PCDHA4: variants seen among roughly 807,000 people sequenced by gnomAD.
PCDHA4 encodes protocadherin alpha 4.
A neutral mutation model predicts 61.4 loss-of-function variants in PCDHA4; 49 were observed. The ratio of observed to expected loss-of-function variants is 0.80; its 90% CI spans 0.63 to 1.01. PCDHA4 has a LOEUF of 1.01. Among genes scored for constraint, PCDHA4 ranks in the 50% least tolerant of loss-of-function variants. PCDHA4 has a pLI of 0.00. For missense variants in PCDHA4, 1,254 were observed against 1,235.8 expected (o/e 1.01, Z -0.22); for synonymous variants, 590 against 550.3 (o/e 1.07, Z -1.01).
chr5:140,853,583 T>C lies in PCDHA4; in HGVS notation c.2385+44011T>C, dbSNP rs1298599428. Reference sequence around the variant, plus strand: ...AAAACTAAGTTGTCACCCAATATCTTAGACACTTTGAGAGCAAAGGGGGTG... The same window carrying C: ...AAAACTAAGTTGTCACCCAATATCTCAGACACTTTGAGAGCAAAGGGGGTG... On this transcript the variant is annotated intron_variant, in intron 1 of 3. Transcript: ENST00000530339. 16 of 985,202 alleles carry C rather than the reference T, an allele frequency of 1.6e-5. 2 individuals carry two copies. The highest frequency in any genetic ancestry group is 1.8e-5 in the Non-Finnish European group (15 of 817,512). The allele number at this position is 985,202 out of a possible 1,614,324, so 61.0% of individuals were successfully genotyped here. A position where few individuals can be genotyped will look rare whatever the true frequency, so the allele number is the denominator to read the frequency against.
rs187680387 is a variant in PCDHA4 at position 140,827,841 on chromosome 5, T to C, written c.2385+18269T>C. 68 of 458,788 alleles carry C rather than the reference T, an allele frequency of 1.5e-4. No homozygotes were observed. The East Asian group carries it at 2.3e-3, about 16-fold the overall frequency. The allele number at this position is 458,788 out of a possible 1,614,324, so 28.4% of individuals were successfully genotyped here. A position where few individuals can be genotyped will look rare whatever the true frequency, so the allele number is the denominator to read the frequency against. ...TACTATAAAAGTAGAGAAAAGAAGATACTGTTTTAAAAATATATGGTATAG... is the reference window on the plus strand; with the variant it reads ...TACTATAAAAGTAGAGAAAAGAAGACACTGTTTTAAAAATATATGGTATAG... On this transcript the variant is annotated intron_variant, in intron 1 of 3. Transcript: ENST00000530339.
Position 140,834,177 on chromosome 5 carries a change from C to G in PCDHA4, c.2385+24605C>G, listed in dbSNP as rs2150214084. ...TTTGTAATTCTTACTTACATGATGG[C>G]CACATGATGTCGCTCTTTACCGCAA... On this transcript the variant is annotated intron_variant, in intron 1 of 3. Transcript: ENST00000530339. 2.9e-5 allele frequency: 16 copies of G among 556,922 alleles called. No individual in the cohort carries two copies. The East Asian group carries it at 4.6e-4, about 16-fold the overall frequency. 34.5% of individuals were successfully genotyped at this position (556,922 alleles called of 1,614,324 possible). A position where few individuals can be genotyped will look rare whatever the true frequency, so the allele number is the denominator to read the frequency against.
intron 1 of PCDHA4, among the ~76,000 whole-genome samples, chr5:140,944,361 A>G (rs1463339181): frequency 6.6e-6 from 1 of 151,888 alleles, no homozygotes; most frequent in Non-Finnish European, 1.5e-5. Flanking sequence ...CTAATTTTTA[A>G]TTTTTTATAG....
chr5:140,854,873 T>C (rs575703507), intron 1 of PCDHA4, among the ~76,000 whole-genome samples: 7 of 150,078 alleles, frequency 4.7e-5, no homozygotes, highest in African/African-American at 1.7e-4. Flanking sequence ...TTCAGAACTG[T>C]GTCTTTTGGG....
At chr5:140,841,153 T>C in intron 1 of PCDHA4, 1 of 819,712 alleles carries the variant, frequency 1.2e-6, no homozygotes, top group East Asian at 2.7e-5. Flanking sequence ...TGTCGCTGTC[T>C]ACCAAGAAGT....
chr5:140,829,774 C>T (rs1293917446), intron 1 of PCDHA4: 18 of 1,613,672 alleles, frequency 1.1e-5, no homozygotes, highest in East Asian at 2.2e-5. Context: ...AGAACGACAA[C>T]GCGCCGGCGC....
chr5:140,853,726 C>T lies in PCDHA4; in HGVS notation c.2385+44154C>T, dbSNP rs545120074. 3.5e-4 allele frequency: 346 copies of T among 988,324 alleles called. 23 individuals are homozygous for T. The highest frequency in any genetic ancestry group is 4.1e-4 in the Non-Finnish European group (339 of 820,418). The allele number at this position is 988,324 out of a possible 1,614,324, so 61.2% of individuals were successfully genotyped here. On this transcript the variant is annotated intron_variant, in intron 1 of 3. Transcript: ENST00000530339. ...CATTAGCATTAGCAGCACCTAAGTC[C>T]TCATTGAATGTTCTGGTTCAAGGCT...
chr5:140,860,295 G>C (rs1358884678), intron 1 of PCDHA4: 2 of 151,884 alleles, frequency 1.3e-5, no homozygotes, highest in Non-Finnish European at 2.9e-5. Context: ...GTGGGAGGAC[G>C]GCTTGAGCCT....
chr5:140,853,226 T>G (rs1465630209), intron 1 of PCDHA4: 2 of 982,912 alleles, frequency 2.0e-6, no homozygotes, highest in Non-Finnish European at 2.5e-6. Flanking sequence ...GGATTGGTAA[T>G]TTAGTCCTTC....
In PCDHA4 at chr5:140,890,236, T is replaced by C. The variant is rs79211810; in HGVS notation, c.2385+80664T>C. 1.2e-3 allele frequency among the ~76,000 whole-genome samples: 183 copies of C among 152,244 alleles called. 1 individual carries two copies. Among genetic ancestry groups the C allele is most frequent in the African/African-American group, 4.0e-3 (168 of 41,532 alleles). ...CCCAGAGACCTAGTTGTTAAGCATT[T>C]ACCAGTACACTACTGCACCTGATTG... On this transcript the variant is annotated intron_variant, in intron 1 of 3. Transcript: ENST00000530339.
intron 1 of PCDHA4, chr5:140,968,218 A>C (rs1586280879): frequency 6.2e-7 from 1 of 1,614,012 alleles, no homozygotes. Flanking sequence ...ACAATTTGCC[A>C]GGTGTGTTGC....
intron 3 of PCDHA4, among the ~76,000 whole-genome samples, chr5:141,007,495 G>T (rs2098332812): frequency 6.6e-6 from 1 of 151,988 alleles, no homozygotes; most frequent in Non-Finnish European, 1.5e-5. Flanking sequence ...TTGGACCTAG[G>T]AGGCAGAGAC....
At chr5:141,006,774 A>G (rs1435816376) in intron 3 of PCDHA4, among the ~76,000 whole-genome samples, 8 of 152,172 alleles carry the variant, frequency 5.3e-5, no homozygotes, top group Admixed American at 3.3e-4. Flanking sequence ...AGAATAGAGA[A>G]AAATGAATAA....
rs369328632 is a variant in PCDHA4, at chr5:140,856,073, G to A, written c.2385+46501G>A. On this transcript the variant is annotated intron_variant, in intron 1 of 3. Transcript: ENST00000530339. ...GATGGTTTCCAGATGTAGCTGCCTG[G>A]GGGTCCAGTGTCTGCTGCTCTCGCT... The A allele has an allele frequency of 1.9e-6, 3 of 1,592,028 alleles. 1 individual carries two copies. Among genetic ancestry groups the A allele is most frequent in the Non-Finnish European group, 2.6e-6 (3 of 1,163,816 alleles).
At chr5:140,985,851 TG>T (rs1269261138) in intron 3 of PCDHA4, among the ~76,000 whole-genome samples, 1 of 149,322 alleles carries the variant, frequency 6.7e-6, no homozygotes, top group Non-Finnish European at 1.5e-5. Flanking sequence ...GCCACTCTCC[TG>T]CCTCAGCCTC....
intron 1 of PCDHA4, chr5:140,834,461 A>T: frequency 6.3e-7 from 1 of 1,589,356 alleles, no homozygotes; most frequent in Non-Finnish European, 8.6e-7. Flanking sequence ...CTTGGGAGGC[A>T]GGGAGAGGCC....
At chr5:140,842,098 A>G (rs2150329282) in intron 1 of PCDHA4, 1 of 1,613,922 alleles carries the variant, frequency 6.2e-7, no homozygotes. Flanking sequence ...ACAACGGAAC[A>G]ACAGTTATCA....
chr5:140,882,126 T>C, intron 1 of PCDHA4: 1 of 1,466,718 alleles, frequency 6.8e-7, no homozygotes, highest in East Asian at 2.3e-5. Flanking sequence ...GTTTCTTTCT[T>C]CCTGCAGAAA....
chr5:140,826,151 AT>A (rs1354366047), intron 1 of PCDHA4, among the ~76,000 whole-genome samples: 3 of 152,210 alleles, frequency 2.0e-5, no homozygotes, highest in African/African-American at 7.2e-5. Flanking sequence ...AGTCCTAGAA[AT>A]TGAGAAATAG....
Sources: gnomAD v4.1 joint callset for allele counts (sites outside exome capture counted in the v4.1 genomes callset) on GRCh38, gnomAD v4.1.1 for gene constraint, MANE v1.5 for transcripts, NCBI Gene and HGNC (gene_info 2026-07-23, HGNC 2026-07-21) for gene names.